ZHX2: variants seen among roughly 807,000 people sequenced by gnomAD.
The protein encoded by ZHX2 is zinc fingers and homeoboxes 2.
ZHX2 carries 6 observed loss-of-function variants against 21.9 expected under a neutral mutation model. The ratio of observed to expected loss-of-function variants is 0.27; its 90% CI spans 0.15 to 0.54. The LOEUF is 0.54. Among genes scored for constraint, ZHX2 ranks in the 20% least tolerant of loss-of-function variants. ZHX2 has a pLI of 0.95. For synonymous variants in ZHX2, 434 were observed against 437.1 expected, an observed-to-expected ratio of 0.99 and a Z score of 0.09; for missense variants, 908 against 1,090.7, an observed-to-expected ratio of 0.83 and a Z score of 2.36.
intron 2 of ZHX2, among the ~76,000 whole-genome samples, chr8:122,881,067 C>G (rs1268931593): frequency 1.3e-5 from 2 of 152,208 alleles, no homozygotes; most frequent in African/African-American, 2.4e-5. Flanking sequence ...GCCCATTGAC[C>G]TACGTGACTG....
intron 2 of ZHX2, among the ~76,000 whole-genome samples, chr8:122,907,530 T>G (rs543927956): frequency 1.3e-5 from 2 of 152,346 alleles, no homozygotes; most frequent in South Asian, 4.1e-4. Flanking sequence ...AGTTTCCAGC[T>G]TGAGTTTTCC....
chr8:122,932,938 C>T (rs1469205344), intron 2 of ZHX2, among the ~76,000 whole-genome samples: 2 of 152,100 alleles, frequency 1.3e-5, no homozygotes, highest in African/African-American at 2.4e-5. Context: ...TAACTGGCTT[C>T]AGTGAATGGC....
chr8:122,800,392 G>A (rs759416186), intron 1 of ZHX2, among the ~76,000 whole-genome samples: 5 of 152,194 alleles, frequency 3.3e-5, no homozygotes, highest in African/African-American at 1.2e-4. Context: ...GAGGCGCCCC[G>A]GCAAGGAAGC....
intron 2 of ZHX2, among the ~76,000 whole-genome samples, chr8:122,920,238 C>T (rs1457149448): frequency 2.0e-5 from 3 of 152,090 alleles, no homozygotes; most frequent in Non-Finnish European, 4.4e-5. Context: ...CGTGCCGTTG[C>T]ACTCCAGCCT....
intron 1 of ZHX2, among the ~76,000 whole-genome samples, chr8:122,856,696 T>G (rs529985461): frequency 6.6e-6 from 1 of 152,208 alleles, no homozygotes; most frequent in South Asian, 2.1e-4. Flanking sequence ...CCTGGGAGAA[T>G]GTTTCCCTCA....
chr8:122,869,201 A>G (rs1370101808), intron 2 of ZHX2, among the ~76,000 whole-genome samples: 2 of 152,134 alleles, frequency 1.3e-5, no homozygotes, highest in Non-Finnish European at 2.9e-5. Flanking sequence ...CCCAGGAGAA[A>G]GGGTGGCCAG....
intron 2 of ZHX2, among the ~76,000 whole-genome samples, chr8:122,883,417 G>T (rs181496269): frequency 6.6e-6 from 1 of 152,200 alleles, no homozygotes; most frequent in East Asian, 1.9e-4. Context: ...AACAAAGGCT[G>T]CAAATGCATT....
chr8:122,861,098 A>G (rs11779768), intron 1 of ZHX2, among the ~76,000 whole-genome samples: 44,729 of 149,950 alleles, frequency 0.3, 7,132 homozygotes, highest in South Asian at 0.37. Context: ...GCCTTTGCAC[A>G]AATATCAGGG....
intron 1 of ZHX2, among the ~76,000 whole-genome samples, chr8:122,818,145 C>T (rs919666387): frequency 3.9e-5 from 6 of 152,300 alleles, no homozygotes; most frequent in Non-Finnish European, 7.3e-5. Context: ...CTCTCCTGAG[C>T]ACTCTGTAAG....
chr8:122,786,904 T>C (rs975757643), intron 1 of ZHX2, among the ~76,000 whole-genome samples: 4 of 152,098 alleles, frequency 2.6e-5, no homozygotes, highest in Admixed American at 1.3e-4. Context: ...AAGGTAGACA[T>C]TATTTTCTGT....
chr8:122,947,620 G>A (rs970047743), intron 2 of ZHX2, among the ~76,000 whole-genome samples: 4 of 152,150 alleles, frequency 2.6e-5, no homozygotes, highest in South Asian at 2.1e-4. Flanking sequence ...AGAAAGCCAC[G>A]CAGGGTGAGG....
intron 2 of ZHX2, among the ~76,000 whole-genome samples, chr8:122,878,679 A>G (rs1174206730): frequency 6.6e-6 from 1 of 152,090 alleles, no homozygotes; most frequent in Non-Finnish European, 1.5e-5. Context: ...AGGTGCAGGG[A>G]GTGTGGGGAC....
intron 1 of ZHX2, among the ~76,000 whole-genome samples, chr8:122,844,133 C>T (rs138876983): frequency 3.3e-5 from 5 of 152,210 alleles, no homozygotes; most frequent in Non-Finnish European, 5.9e-5. Flanking sequence ...AGCCAGGAGG[C>T]GGGAAGGAAA....
At chr8:122,797,569 C>T (rs532830274) in intron 1 of ZHX2, among the ~76,000 whole-genome samples, 1 of 152,124 alleles carries the variant, frequency 6.6e-6, no homozygotes, top group Non-Finnish European at 1.5e-5. Context: ...GAATCCAGGC[C>T]GACAAAGTTT....
chr8:122,790,964 G>T (rs1817506957), intron 1 of ZHX2, among the ~76,000 whole-genome samples: 1 of 152,214 alleles, frequency 6.6e-6, no homozygotes, highest in Admixed American at 6.5e-5. Context: ...AAGTGGGGAA[G>T]TCCTTTATCC....
chr8:122,900,255 G>T (rs1350150361), intron 2 of ZHX2, among the ~76,000 whole-genome samples: 1 of 151,854 alleles, frequency 6.6e-6, no homozygotes, highest in South Asian at 2.1e-4. Flanking sequence ...TCTGCTTCTG[G>T]TGTGGACCTC....
chr8:122,843,200 G>C (rs990773271), intron 1 of ZHX2, among the ~76,000 whole-genome samples: 3 of 152,214 alleles, frequency 2.0e-5, no homozygotes, highest in African/African-American at 7.2e-5. Flanking sequence ...GCCAGACTCT[G>C]TGTTAGATGT....
At chr8:122,895,429 A>G (rs1820077015) in intron 2 of ZHX2, among the ~76,000 whole-genome samples, 1 of 152,220 alleles carries the variant, frequency 6.6e-6, no homozygotes, top group South Asian at 2.1e-4. Context: ...GACCACTAGG[A>G]TTATTTCCAG....
intron 1 of ZHX2, among the ~76,000 whole-genome samples, chr8:122,800,895 T>G (rs762551820): frequency 2.0e-5 from 3 of 152,236 alleles, no homozygotes; most frequent in Non-Finnish European, 4.4e-5. Context: ...TTATGGCTTG[T>G]GTAGACAGGT....
Sources: gnomAD v4.1 joint callset for allele counts (sites outside exome capture counted in the v4.1 genomes callset) on GRCh38, gnomAD v4.1.1 for gene constraint, MANE v1.5 for transcripts, NCBI Gene and HGNC (gene_info 2026-07-23, HGNC 2026-07-21) for gene names.